Variants in HERC4 observed in about 807,000 individuals in gnomAD.
The protein encoded by HERC4 is HECT and RLD domain containing E3 ubiquitin protein ligase 4, also known as probable E3 ubiquitin-protein ligase HERC4.
In HERC4, 28 loss-of-function variants were observed where a neutral mutation model predicts 124.3. That is an observed-to-expected ratio of 0.23 (90% CI 0.17 to 0.31). The LOEUF (loss-of-function observed/expected upper bound fraction) is 0.31. Ranked by LOEUF, HERC4 falls within the 10% of genes least tolerant of loss-of-function variation. The pLI is 1.00. For synonymous variants in HERC4, 407 were observed against 421.5 expected, an observed-to-expected ratio of 0.97 and a Z score of 0.42; for missense variants, 713 against 1,229.3, an observed-to-expected ratio of 0.58 and a Z score of 6.28.
chr10:67,980,610 T>G (rs1441473644), intron 15 of HERC4, among the ~76,000 whole-genome samples: 1 of 152,158 alleles, frequency 6.6e-6, no homozygotes. Flanking sequence ...TACAGAATAT[T>G]ACAACACTGT....
At chr10:68,055,859 C>T (rs942798286) in intron 3 of HERC4, among the ~76,000 whole-genome samples, 1 of 151,426 alleles carries the variant, frequency 6.6e-6, no homozygotes, top group African/African-American at 2.4e-5. Context: ...TCAAGCGATT[C>T]TCCTGCCTCA....
chr10:67,958,977 A>T lies in HERC4; in HGVS notation c.1927-2001T>A, dbSNP rs568612787. The stretch of plus-strand genomic sequence containing the variant: ...AGATAATCTCTACAGACTGTATTTT[A>T]AAAAATGATACATATATATCTATTT... On this transcript the variant is annotated intron_variant, in intron 16 of 24. Coordinates refer to ENST00000373700, the MANE Select transcript of HERC4 (RefSeq NM_015601.4). 35 of 553,446 alleles carry T rather than the reference A, an allele frequency of 6.3e-5. No homozygotes were observed. The East Asian group carries it at 6.5e-4, about 10-fold the overall frequency. 34.3% of individuals were successfully genotyped at this position (553,446 alleles called of 1,614,324 possible).
At chr10:68,039,271 A>T in intron 4 of HERC4, 1 of 1,069,270 alleles carries the variant, frequency 9.4e-7, no homozygotes, top group Non-Finnish European at 1.3e-6. Context: ...AGCCAAGATC[A>T]CACCATCGCA....
chr10:67,989,451 T>C (rs1276337358), intron 14 of HERC4, among the ~76,000 whole-genome samples: 2 of 152,010 alleles, frequency 1.3e-5, no homozygotes, highest in Admixed American at 1.3e-4. Context: ...AAAGCAATAC[T>C]CTTTTCAGTC....
At chr10:67,935,869 A>G (rs73261377) in intron 22 of HERC4, among the ~76,000 whole-genome samples, 13,610 of 151,548 alleles carry the variant, frequency 0.09, 1,646 homozygotes, top group African/African-American at 0.28. Flanking sequence ...TGGCTTCGTG[A>G]CTCCTCTTTT....
chr10:68,042,387 G>A (rs888419469), intron 4 of HERC4, among the ~76,000 whole-genome samples: 1 of 152,190 alleles, frequency 6.6e-6, no homozygotes, highest in Non-Finnish European at 1.5e-5. Context: ...CACTTTGGGA[G>A]GCCAAAGCCG....
chr10:68,070,294 T>G (rs2041506276), intron 3 of HERC4: 2 of 961,978 alleles, frequency 2.1e-6, no homozygotes, highest in East Asian at 2.3e-4. Flanking sequence ...TCTTAAAATT[T>G]AGTTAAAAAC....
chr10:68,061,835 G>A (rs1564613018), intron 3 of HERC4, among the ~76,000 whole-genome samples: 1 of 133,268 alleles, frequency 7.5e-6, no homozygotes, highest in African/African-American at 2.9e-5. Context: ...GAGCCGAGAT[G>A]GTGCCACTGC....
chr10:68,028,946 G>A (rs890964747), intron 7 of HERC4, among the ~76,000 whole-genome samples: 7 of 152,082 alleles, frequency 4.6e-5, no homozygotes, highest in African/African-American at 1.7e-4. Flanking sequence ...TGAGGTGGGA[G>A]GCTCGCTTAA....
intron 7 of HERC4, among the ~76,000 whole-genome samples, chr10:68,028,585 AT>A (rs961806544): frequency 2.0e-5 from 3 of 152,150 alleles, no homozygotes; most frequent in Middle Eastern, 3.2e-3. Flanking sequence ...CAATCAAGGG[AT>A]TATCATTGTG....
In HERC4 at chr10:67,954,735, T is replaced by C. The variant is rs201719707; in HGVS notation, c.2197A>G (p.Ile733Val). 4.2e-5 allele frequency: 68 copies of C among 1,612,646 alleles called. No individual in the cohort carries two copies. The highest frequency in any genetic ancestry group is 1.7e-4 in the Middle Eastern group (1 of 6,054). Residue 733 changes from isoleucine to valine, a missense_variant, in exon 19 of 25, where the codon ATA becomes GTA. Coordinates refer to ENST00000373700, the MANE Select transcript of HERC4 (RefSeq NM_015601.4). Reference protein sequence around the residue: ...NIDYKKPLKVIFVGEDAVDAG... With the variant: ...NIDYKKPLKVVFVGEDAVDAG... Reference sequence around the variant, plus strand: ...TCCACAGCATCTTCTCCAACAAATATAACCTAAAATAGCACAATGCAAACA... The same window carrying C: ...TCCACAGCATCTTCTCCAACAAATACAACCTAAAATAGCACAATGCAAACA...
At chr10:68,046,991 A>C (rs891090000) in intron 3 of HERC4, among the ~76,000 whole-genome samples, 4 of 152,012 alleles carry the variant, frequency 2.6e-5, no homozygotes. Flanking sequence ...ACAAAAAAAA[A>C]CATGAAGAAT....
chr10:68,030,365 TG>T (rs763867657), intron 7 of HERC4, among the ~76,000 whole-genome samples: 1 of 152,046 alleles, frequency 6.6e-6, no homozygotes, highest in East Asian at 1.9e-4. Flanking sequence ...CACTTGAACC[TG>T]GGAGGCAGAG....
At chr10:68,000,750 G>A (rs541874142) in intron 9 of HERC4, among the ~76,000 whole-genome samples, 69 of 152,090 alleles carry the variant, frequency 4.5e-4, no homozygotes, top group Non-Finnish European at 7.6e-4. Context: ...ATGCAGACAC[G>A]TACAGAGAGA....
At chr10:68,039,613 A>G in intron 4 of HERC4, 2 of 1,412,900 alleles carry the variant, frequency 1.4e-6, no homozygotes, top group Non-Finnish European at 9.2e-7. Context: ...CTGTACTGCT[A>G]CAATTTAGCA....
intron 14 of HERC4, among the ~76,000 whole-genome samples, chr10:67,989,997 T>C (rs1222012894): frequency 6.6e-6 from 1 of 152,058 alleles, no homozygotes; most frequent in Non-Finnish European, 1.5e-5. Flanking sequence ...TTATGTTTAA[T>C]TGAACTTCTA....
intron 15 of HERC4, among the ~76,000 whole-genome samples, chr10:67,980,458 A>C (rs539021444): frequency 1.3e-5 from 2 of 152,314 alleles, no homozygotes; most frequent in South Asian, 4.2e-4. Context: ...TTTCCTAGAC[A>C]AACAAAAGCT....
intron 5 of HERC4, among the ~76,000 whole-genome samples, chr10:68,034,879 A>G (rs1414429675): frequency 6.6e-6 from 1 of 151,652 alleles, no homozygotes; most frequent in Non-Finnish European, 1.5e-5. Flanking sequence ...ATTTACATCC[A>G]GTTTTCTTCC....
chr10:67,939,275 T>C (rs1461898525), intron 21 of HERC4, among the ~76,000 whole-genome samples: 1 of 152,202 alleles, frequency 6.6e-6, no homozygotes, highest in Non-Finnish European at 1.5e-5. Context: ...TATTTGTCAA[T>C]ATCTTTAGCA....
Sources: allele counts gnomAD v4.1 joint callset (sites outside exome capture counted in the v4.1 genomes callset), GRCh38; gene constraint gnomAD v4.1.1; transcripts MANE v1.5; gene names NCBI Gene and HGNC (gene_info 2026-07-23, HGNC 2026-07-21).